SVOPL: variants seen among roughly 807,000 people sequenced by gnomAD.
SVOPL encodes putative transporter SVOPL.
In SVOPL, 60 loss-of-function variants were observed where a neutral mutation model predicts 61.0. The observed-to-expected ratio is 0.98, with a 90% confidence interval of 0.80 to 1.22. The LOEUF (loss-of-function observed/expected upper bound fraction) is 1.22, where lower values mean the gene tolerates loss of function less well. SVOPL is among the 50% of genes most tolerant of loss of function. The probability of loss-of-function intolerance (pLI) is 0.00; values close to 1 mark genes in which losing one functional copy is unlikely to be tolerated. For missense variants in SVOPL, 662 were observed against 643.9 expected, an observed-to-expected ratio of 1.03 and a Z score of -0.30; for synonymous variants, 279 against 250.0, an observed-to-expected ratio of 1.12 and a Z score of -1.09.
At position 138,635,270 on chromosome 7, in the gene SVOPL, C is replaced by CAAA. The variant is rs112228411; in HGVS notation, c.790-5151_790-5149dup. Among the ~76,000 whole-genome samples, 202 of 138,328 alleles carry CAAA rather than the reference C, an allele frequency of 1.5e-3. 1 individual carries two copies. The highest frequency in any genetic ancestry group is 0.01 in the East Asian group (49 of 4,842). The allele number at this position is 138,328 out of a possible 152,430, so 90.7% of individuals were successfully genotyped here. A position where few individuals can be genotyped will look rare whatever the true frequency, so the allele number is the denominator to read the frequency against. On this transcript the variant is annotated intron_variant, in intron 9 of 15. Coordinates refer to ENST00000674285, the MANE Select transcript of SVOPL (RefSeq NM_001139456.2). ...CTGGGCGACAAGAGCAAAACTGTCT[C>CAAA]AAAAAAAAAAAAAAAGTTAATATGG...
At chr7:138,611,886 T>TG (rs1799035260) in intron 14 of SVOPL, among the ~76,000 whole-genome samples, 3 of 73,000 alleles carry the variant, frequency 4.1e-5, no homozygotes, top group Admixed American at 2.2e-4. Context: ...CCACCCCGTC[T>TG]GGGAGGTGTG....
chr7:138,661,084 A>C lies in SVOPL; in HGVS notation c.346-1096T>G, dbSNP rs1213964983. ...CGTGTTTTCAAATTTACAAGAATCTATGCTATTTATTTCATGTACTTTAAA... is the reference window on the plus strand; with the variant it reads ...CGTGTTTTCAAATTTACAAGAATCTCTGCTATTTATTTCATGTACTTTAAA... On this transcript the variant is annotated intron_variant, in intron 5 of 15. Coordinates refer to ENST00000674285, the MANE Select transcript of SVOPL (RefSeq NM_001139456.2). 6.1e-6 allele frequency: 6 copies of C among 985,180 alleles called. No homozygotes were observed. In the East Asian group the frequency reaches 4.5e-4, roughly 74 times the overall value. The allele number at this position is 985,180 out of a possible 1,614,324, so 61.0% of individuals were successfully genotyped here.
At chr7:138,605,504 A>G (rs1798716138) in intron 14 of SVOPL, among the ~76,000 whole-genome samples, 1 of 152,072 alleles carries the variant, frequency 6.6e-6, no homozygotes, top group South Asian at 2.1e-4. Flanking sequence ...TCTACTAAAA[A>G]TACAAAAATT....
chr7:138,595,682 T>C (rs1316766671), intron 15 of SVOPL, among the ~76,000 whole-genome samples: 2 of 152,204 alleles, frequency 1.3e-5, no homozygotes, highest in African/African-American at 2.4e-5. Context: ...TGTGTCTTAG[T>C]TTCCTCATTT....
intron 4 of SVOPL, 60 bp downstream of exon 4, chr7:138,671,959 G>A: frequency 6.8e-7 from 1 of 1,472,266 alleles, no homozygotes; most frequent in Admixed American, 2.0e-5. Flanking sequence ...CTGCAGGATG[G>A]AGGAAAGGGA....
intron 1 of SVOPL, among the ~76,000 whole-genome samples, chr7:138,692,860 A>G (rs1183938287): frequency 1.3e-5 from 2 of 152,200 alleles, no homozygotes; most frequent in Non-Finnish European, 2.9e-5. Context: ...ATGTCAGTAT[A>G]TTTGACAAGG....
chr7:138,611,847 G>A (rs1460887803), intron 14 of SVOPL, among the ~76,000 whole-genome samples: 43 of 71,648 alleles, frequency 6.0e-4, no homozygotes, highest in Middle Eastern at 4.4e-3. Flanking sequence ...GCCTCCCAAA[G>A]TGCCGAGATT....
intron 8 of SVOPL, among the ~76,000 whole-genome samples, chr7:138,645,440 C>T (rs1801052937): frequency 6.6e-6 from 1 of 152,182 alleles, no homozygotes; most frequent in Non-Finnish European, 1.5e-5. Flanking sequence ...AAAGCACCTC[C>T]ACAGCAGCAC....
intron 3 of SVOPL, among the ~76,000 whole-genome samples, chr7:138,674,373 G>A (rs999259172): frequency 5.3e-5 from 8 of 151,890 alleles, no homozygotes; most frequent in Admixed American, 3.3e-4. Flanking sequence ...GAGGGGCCAC[G>A]GCCCATCACT....
chr7:138,653,978 CA>C (rs1363702724), intron 7 of SVOPL, among the ~76,000 whole-genome samples: 1 of 148,254 alleles, frequency 6.7e-6, no homozygotes, highest in Non-Finnish European at 1.5e-5. Flanking sequence ...AGAAAAAATA[CA>C]AAAGTTAGCT....
rs147756283 is a variant in SVOPL, at chr7:138,599,167, A to AC, written c.1354-2638_1354-2637insG. 1.6e-5 allele frequency among the ~76,000 whole-genome samples: 2 copies of AC among 121,836 alleles called. 1 individual carries two copies. Among genetic ancestry groups the AC allele is most frequent in the Non-Finnish European group, 3.3e-5 (2 of 60,586 alleles). The allele number at this position is 121,836 out of a possible 152,430, so 79.9% of individuals were successfully genotyped here. On this transcript the variant is annotated intron_variant, in intron 14 of 15. Transcript: ENST00000674285. ...AAAAAAAAAAAAAAAACCAAAAAAAAAAGAAATACAGAAATGTCAAAAGAC... is the reference window on the plus strand; with the variant it reads ...AAAAAAAAAAAAAAAACCAAAAAAAACAAGAAATACAGAAATGTCAAAAGAC...
At chr7:138,638,974 CA>C (rs1454369596) in intron 9 of SVOPL, among the ~76,000 whole-genome samples, 4 of 152,180 alleles carry the variant, frequency 2.6e-5, no homozygotes. Context: ...AATAACAGGC[CA>C]GGCACAGTGG....
chr7:138,622,182 GTATCTATC>G (rs1297555390), intron 13 of SVOPL, among the ~76,000 whole-genome samples: 2 of 47,376 alleles, frequency 4.2e-5, no homozygotes, highest in African/African-American at 2.0e-4. Context: ...ATCTGTCTAT[GTATCTATC>G]TATCTATCTA....
chr7:138,603,762 C>A (rs1160369536), intron 14 of SVOPL, among the ~76,000 whole-genome samples: 1 of 152,058 alleles, frequency 6.6e-6, no homozygotes, highest in Non-Finnish European at 1.5e-5. Flanking sequence ...ATGAATGTAA[C>A]CTCTGTATTA....
intron 14 of SVOPL, among the ~76,000 whole-genome samples, chr7:138,610,337 G>A (rs1798944460): frequency 6.6e-6 from 1 of 151,354 alleles, no homozygotes; most frequent in African/African-American, 2.4e-5. Flanking sequence ...TGATATTTGG[G>A]TGAAATTTAT....
chr7:138,663,101 G>A lies in SVOPL; in HGVS notation c.318C>T (p.Leu106=). The A allele has an allele frequency of 1.2e-6, 2 of 1,614,154 alleles. No homozygotes were observed. The highest frequency in any genetic ancestry group is 1.7e-5 in the Admixed American group (1 of 60,014). ...TCCAGCGGCCATATCTGTCAGCCAGGAGGCCAAAGAGGATACTGAAAACCA... is the reference window on the plus strand; with the variant it reads ...TCCAGCGGCCATATCTGTCAGCCAGAAGGCCAAAGAGGATACTGAAAACCA... ...GYMVFSILFG[L]LADRYGRWKI... The change falls in exon 5 of 16, where the codon CTC becomes CTT. Residue 106 remains leucine, a synonymous_variant. Transcript: ENST00000674285.
intron 1 of SVOPL, among the ~76,000 whole-genome samples, chr7:138,687,739 C>A (rs1355702555): frequency 6.7e-6 from 1 of 148,812 alleles, no homozygotes; most frequent in African/African-American, 2.5e-5. Flanking sequence ...AAACCATATA[C>A]CTGATAAGAG....
chr7:138,618,430 C>G (rs1391470252), intron 14 of SVOPL, among the ~76,000 whole-genome samples: 1 of 151,842 alleles, frequency 6.6e-6, no homozygotes, highest in South Asian at 2.1e-4. Context: ...GGAGGCGAGG[C>G]GGGCCGATCA....
Position 138,681,441 on chromosome 7 carries a change from A to G in SVOPL, c.-34-2362T>C, listed in dbSNP as rs1802699235. Among the ~76,000 whole-genome samples the G allele has an allele frequency of 2.0e-5, 3 of 151,908 alleles. No homozygotes were observed. In the South Asian group the frequency reaches 6.2e-4, roughly 32 times the overall value. ...GGCTGATTCTGGCTCAGGGACAGGA[A>G]ATGTACAAACTGAGCCTGGGGCATC... On this transcript the variant is annotated intron_variant, in intron 1 of 15. Coordinates refer to ENST00000674285, the MANE Select transcript of SVOPL (RefSeq NM_001139456.2).
Sources: allele counts gnomAD v4.1 joint callset (sites outside exome capture counted in the v4.1 genomes callset), GRCh38; gene constraint gnomAD v4.1.1; transcripts MANE v1.5; gene names NCBI Gene and HGNC (gene_info 2026-07-23, HGNC 2026-07-21).